The following VPS8 variants were observed in gnomAD, a reference collection of about 807,000 sequenced individuals.
VPS8 encodes the protein VPS8 subunit of CORVET complex.
In VPS8, 129 loss-of-function variants were observed where a neutral mutation model predicts 216.4. The ratio of observed to expected loss-of-function variants is 0.60; its 90% confidence interval spans 0.52 to 0.69. The LOEUF (loss-of-function observed/expected upper bound fraction) is 0.69, where lower values mean the gene tolerates loss of function less well. VPS8 is among the 30% of genes least tolerant of loss of function. The pLI, the probability that VPS8 is intolerant of heterozygous loss-of-function variation, is 0.00. For synonymous variants in VPS8, 571 were observed against 565.4 expected (o/e 1.01, Z -0.14); for missense variants, 1,531 against 1,683.5 (o/e 0.91, Z 1.59).
At chr3:185,046,280 C>T (rs111565665) in intron 46 of VPS8, among the ~76,000 whole-genome samples, 1,899 of 152,280 alleles carry the variant, frequency 0.012, 20 homozygotes, top group Non-Finnish European at 0.02. Context: ...CATCTGTAGA[C>T]GGAAACTGTT....
In VPS8 at chr3:184,984,194, A is replaced by AAAAAAAAAAAAAACTCACCAAG; in HGVS notation, c.3585+1100_3585+1101insAAAAAAAAAAAAACTCACCAAG. Among the ~76,000 whole-genome samples the AAAAAAAAAAAAAACTCACCAAG allele has an allele frequency of 1.5e-3, 68 of 46,522 alleles. 28 individuals carry two copies. Among genetic ancestry groups the AAAAAAAAAAAAAACTCACCAAG allele is most frequent in the South Asian group, 4.9e-3 (4 of 822 alleles). The allele number at this position is 46,522 out of a possible 152,430, so 30.5% of individuals were successfully genotyped here. A position where few individuals can be genotyped will look rare whatever the true frequency, so the allele number is the denominator to read the frequency against. ...GCGAGACTCCGTCTCAAAAAAAAAAACTCTACTTCCCATCTGATATTAAGC... is the reference window on the plus strand; with the variant it reads ...GCGAGACTCCGTCTCAAAAAAAAAAAAAAAAAAAAAAAACTCACCAAGCTCTACTTCCCATCTGATATTAAGC... On this transcript the variant is annotated intron_variant, in intron 42 of 47. Transcript: ENST00000625842.
At chr3:184,885,771 G>T (rs9647364) in intron 21 of VPS8, among the ~76,000 whole-genome samples, 20 of 152,170 alleles carry the variant, frequency 1.3e-4, no homozygotes, top group Admixed American at 9.8e-4. Flanking sequence ...ATTTTCCCAT[G>T]TTGTTGAATG....
At chr3:184,861,477 ATTCT>A (rs1279818216) in intron 15 of VPS8, among the ~76,000 whole-genome samples, 30 of 152,356 alleles carry the variant, frequency 2.0e-4, no homozygotes, top group Admixed American at 2.0e-3. Flanking sequence ...TTTAGAAATA[ATTCT>A]TTCTTCCATA....
chr3:184,918,542 A>G (rs1455884650), intron 28 of VPS8, among the ~76,000 whole-genome samples: 1 of 152,236 alleles, frequency 6.6e-6, no homozygotes, highest in African/African-American at 2.4e-5. Context: ...TAAGCATATC[A>G]TAATATTCAC....
chr3:184,878,317 G>T (rs187196966), intron 21 of VPS8, among the ~76,000 whole-genome samples: 1 of 152,142 alleles, frequency 6.6e-6, no homozygotes, highest in Non-Finnish European at 1.5e-5. Flanking sequence ...CGCCATGTTG[G>T]CCAGGCTGGT....
intron 43 of VPS8, among the ~76,000 whole-genome samples, chr3:184,995,308 G>A (rs1752473995): frequency 6.6e-6 from 1 of 152,136 alleles, no homozygotes; most frequent in Non-Finnish European, 1.5e-5. Context: ...GAGAAGAAAA[G>A]GAAAATCTGG....
rs149322243 is a variant in VPS8 at position 184,828,509 on chromosome 3, A to G, written c.222+2278A>G. The stretch of plus-strand genomic sequence containing the variant: ...ATCTCAGAATTTAGGACATGAAAGA[A>G]TGTTACTAGGTATTGCCATCCTTTG... On this transcript the variant is annotated intron_variant, in intron 3 of 47. Transcript: ENST00000625842. 3.8e-3 allele frequency among the ~76,000 whole-genome samples: 577 copies of G among 152,182 alleles called. 3 individuals are homozygous for G. Among genetic ancestry groups the G allele is most frequent in the African/African-American group, 0.013 (556 of 41,518 alleles).
intron 44 of VPS8, among the ~76,000 whole-genome samples, chr3:184,998,473 G>A (rs1281577366): frequency 3.8e-5 from 2 of 52,838 alleles, no homozygotes; most frequent in African/African-American, 1.1e-4. Flanking sequence ...GTATAGAAGA[G>A]GAAGTTTATA....
chr3:184,966,746 A>G, intron 39 of VPS8, 33 bp downstream of exon 39: 6 of 1,488,850 alleles, frequency 4.0e-6, no homozygotes, highest in Non-Finnish European at 5.5e-6. Flanking sequence ...AACATTTTTC[A>G]TCCTTGGACC....
chr3:184,963,808 T>C (rs1746941969), intron 37 of VPS8, among the ~76,000 whole-genome samples: 1 of 151,996 alleles, frequency 6.6e-6, no homozygotes, highest in Non-Finnish European at 1.5e-5. Flanking sequence ...TGAATAAGAG[T>C]GTTTTGTTTT....
At chr3:184,954,675 A>G (rs1745271180) in intron 36 of VPS8, among the ~76,000 whole-genome samples, 1 of 152,190 alleles carries the variant, frequency 6.6e-6, no homozygotes, top group Admixed American at 6.5e-5. Flanking sequence ...ATTCCTAATT[A>G]TCTCTGACTT....
chr3:185,000,900 C>T (rs546510300), intron 45 of VPS8, among the ~76,000 whole-genome samples: 8 of 152,276 alleles, frequency 5.3e-5, no homozygotes, highest in African/African-American at 1.9e-4. Flanking sequence ...CCACCGCACC[C>T]GGCCTCTCTT....
chr3:184,938,368 G>A (rs1179917346), intron 35 of VPS8, among the ~76,000 whole-genome samples: 5 of 152,204 alleles, frequency 3.3e-5, no homozygotes, highest in Non-Finnish European at 7.3e-5. Context: ...CTGCTCTCTA[G>A]GAAGAAGACA....
rs908355828 is a variant in VPS8 at position 184,824,535 on chromosome 3, T to C, written c.-88-10T>C. 4 of 1,328,226 alleles carry C rather than the reference T, an allele frequency of 3.0e-6. No individual in the cohort carries two copies. Among genetic ancestry groups the C allele is most frequent in the Non-Finnish European group, 4.1e-6 (4 of 973,190 alleles). The allele number at this position is 1,328,226 out of a possible 1,614,324, so 82.3% of individuals were successfully genotyped here. A position where few individuals can be genotyped will look rare whatever the true frequency, so the allele number is the denominator to read the frequency against. On this transcript the variant is annotated splice_polypyrimidine_tract_variant and intron_variant, in intron 1 of 47. Coordinates refer to ENST00000625842, the MANE Select transcript of VPS8 (RefSeq NM_001009921.3). ...TTGTTTTGTTTTTGTTTTTTTCTTT[T>C]TTTGAAAAGAGATAATCATTCAGGT...
chr3:185,021,015 T>C (rs993173124), intron 45 of VPS8, among the ~76,000 whole-genome samples: 1 of 152,136 alleles, frequency 6.6e-6, no homozygotes, highest in Non-Finnish European at 1.5e-5. Context: ...GAGGTTGCAG[T>C]GAGCTGAGAT....
intron 8 of VPS8, among the ~76,000 whole-genome samples, chr3:184,845,516 T>C (rs1167453295): frequency 1.3e-5 from 2 of 152,114 alleles, no homozygotes; most frequent in Non-Finnish European, 2.9e-5. Flanking sequence ...TCCCAGCACT[T>C]TGGGAGGCTG....
intron 36 of VPS8, among the ~76,000 whole-genome samples, chr3:184,954,851 C>T (rs767803075): frequency 3.3e-5 from 5 of 152,088 alleles, no homozygotes; most frequent in Non-Finnish European, 7.4e-5. Context: ...TAGAGATGAT[C>T]ATGGACAATT....
At chr3:184,846,577 T>A (rs987718953) in intron 8 of VPS8, among the ~76,000 whole-genome samples, 11 of 152,236 alleles carry the variant, frequency 7.2e-5, no homozygotes, top group Non-Finnish European at 7.3e-5. Flanking sequence ...CTTTAAGTAT[T>A]GGTGAATCAG....
chr3:184,933,430 G>T (rs1741039314), intron 34 of VPS8, among the ~76,000 whole-genome samples: 2 of 152,160 alleles, frequency 1.3e-5, no homozygotes, highest in African/African-American at 4.8e-5. Context: ...TGTTTTGGAA[G>T]ATTTCTTTAT....
Sources: allele counts gnomAD v4.1 joint callset (sites outside exome capture counted in the v4.1 genomes callset), GRCh38; gene constraint gnomAD v4.1.1; transcripts MANE v1.5; gene names NCBI Gene and HGNC (gene_info 2026-07-23, HGNC 2026-07-21).